EFL1: variants seen among roughly 807,000 people sequenced by gnomAD.
EFL1 encodes elongation factor like GTPase 1.
In EFL1, 76 loss-of-function variants were observed where a neutral mutation model predicts 126.7. The ratio of observed to expected loss-of-function variants is 0.60; its 90% CI spans 0.50 to 0.73. The LOEUF is 0.73. Ranked by LOEUF, EFL1 falls within the 30% of genes least tolerant of loss-of-function variation. EFL1 has a pLI of 0.00. For synonymous variants in EFL1, 410 were observed against 448.4 expected (o/e 0.91, Z 1.08); for missense variants, 1,128 against 1,343.2 (o/e 0.84, Z 2.50).
At position 82,241,333 on chromosome 15, in the gene EFL1, G is replaced by A. The variant is rs201679284; in HGVS notation, c.315C>T (p.Thr105=). ...TGCATCCATCACAAATGCGAACAGC[G>A]GTTGATACTTCTGAGGAAAAGTCCA... ...GHVDFSSEVS[T]AVRICDGCII... is the part of the protein sequence containing the mutation. The change falls in exon 5 of 20, where the codon ACC becomes ACT. Residue 105 remains threonine (T), a synonymous_variant. Coordinates refer to ENST00000268206, the MANE Select transcript of EFL1 (RefSeq NM_024580.6). 191 of 1,613,796 alleles carry A rather than the reference G, an allele frequency of 1.2e-4. No individual in the cohort carries two copies. The highest frequency in any genetic ancestry group is 1.6e-4 in the Middle Eastern group (1 of 6,080).
rs1171140314 is a variant in EFL1 at position 82,214,769 on chromosome 15, C to T, written c.1698G>A (p.Leu566=). 1 of 1,601,660 alleles carries T rather than the reference C, an allele frequency of 6.2e-7. No individual in the cohort carries two copies. The highest frequency in any genetic ancestry group is 8.5e-7 in the Non-Finnish European group (1 of 1,173,634). The change falls in exon 15 of 20, where the codon CTG becomes CTA. Residue 566 remains leucine, a synonymous_variant. Coordinates refer to ENST00000268206, the MANE Select transcript of EFL1 (RefSeq NM_024580.6). The part of the protein sequence containing the change: ...AYCALENLYL[L]MGRELEYLEE... The stretch of plus-strand genomic sequence containing the variant: ...CTAGATATTCCAGTTCCCTTCCCAT[C>T]AGAAGATACAGGTTTTCCAGAGCAC...
At chr15:82,194,569 T>C (rs1207454255) in intron 15 of EFL1, among the ~76,000 whole-genome samples, 3 of 152,162 alleles carry the variant, frequency 2.0e-5, no homozygotes, top group African/African-American at 7.2e-5. Flanking sequence ...ATTATTAAAA[T>C]CAAAGCATAA....
At chr15:82,155,870 C>T (rs981240767) in intron 17 of EFL1, among the ~76,000 whole-genome samples, 1 of 152,174 alleles carries the variant, frequency 6.6e-6, no homozygotes, top group Non-Finnish European at 1.5e-5. Flanking sequence ...CTTTGGAAGC[C>T]TCTTTTATGA....
intron 15 of EFL1, among the ~76,000 whole-genome samples, chr15:82,190,360 T>C (rs140468347): frequency 9.8e-5 from 15 of 152,314 alleles, no homozygotes; most frequent in African/African-American, 3.4e-4. Context: ...TAATAACTCA[T>C]TTTTCTCAGT....
At position 82,137,574 on chromosome 15, in the gene EFL1, G is replaced by A. The variant is rs79964758; in HGVS notation, c.3174+1084C>T. On this transcript the variant is annotated intron_variant, in intron 19 of 19. Transcript: ENST00000268206. Reference sequence around the variant, plus strand: ...TGAAGAAAACTCAGGGAGGGTCCATGATTTGTCCAAATAAATAGAAGAATA... The same window carrying A: ...TGAAGAAAACTCAGGGAGGGTCCATAATTTGTCCAAATAAATAGAAGAATA... Among the ~76,000 whole-genome samples the A allele has an allele frequency of 8.1e-3, 1,227 of 152,270 alleles. 14 individuals carry two copies. The highest frequency in any genetic ancestry group is 0.028 in the African/African-American group (1,149 of 41,546).
intron 18 of EFL1, among the ~76,000 whole-genome samples, chr15:82,143,369 G>C (rs1188470511): frequency 1.3e-5 from 2 of 152,150 alleles, no homozygotes. Context: ...GGTTGTAAAA[G>C]AAAATGGGAA....
chr15:82,137,017 T>C (rs1162889414), intron 19 of EFL1, among the ~76,000 whole-genome samples: 1 of 143,734 alleles, frequency 7.0e-6, no homozygotes, highest in South Asian at 2.1e-4. Context: ...ATTAAGAATG[T>C]GATTTTTTTT....
At chr15:82,182,955 T>C (rs1328685694) in intron 15 of EFL1, among the ~76,000 whole-genome samples, 1 of 152,160 alleles carries the variant, frequency 6.6e-6, no homozygotes, top group Non-Finnish European at 1.5e-5. Context: ...CATCCAACCT[T>C]ATGCCAGCAT....
intron 5 of EFL1, among the ~76,000 whole-genome samples, chr15:82,240,807 TG>T (rs2074923208): frequency 6.6e-6 from 1 of 152,180 alleles, no homozygotes; most frequent in Non-Finnish European, 1.5e-5. Context: ...CTCAGCACTC[TG>T]GGAGGCTGAG....
chr15:82,171,110 C>G (rs371966557), intron 15 of EFL1, among the ~76,000 whole-genome samples: 11 of 152,136 alleles, frequency 7.2e-5, no homozygotes, highest in African/African-American at 2.4e-4. Context: ...AGAGTCACTT[C>G]TGGATGAAAT....
At chr15:82,182,197 T>C (rs2074258447) in intron 15 of EFL1, among the ~76,000 whole-genome samples, 1 of 152,124 alleles carries the variant, frequency 6.6e-6, no homozygotes, top group African/African-American at 2.4e-5. Context: ...GCAGAGGTTG[T>C]AGCGAGCTGA....
intron 12 of EFL1, among the ~76,000 whole-genome samples, chr15:82,223,444 T>C (rs1011784580): frequency 6.6e-6 from 1 of 152,048 alleles, no homozygotes; most frequent in Non-Finnish European, 1.5e-5. Flanking sequence ...GATTGCACTA[T>C]CAGAAATATA....
intron 16 of EFL1, among the ~76,000 whole-genome samples, chr15:82,158,606 C>T (rs2073990922): frequency 6.6e-6 from 1 of 152,130 alleles, no homozygotes; most frequent in Non-Finnish European, 1.5e-5. Context: ...AGTCTTGTTT[C>T]AATTCTACAT....
At chr15:82,166,699 T>C (rs927727939) in intron 15 of EFL1, among the ~76,000 whole-genome samples, 3 of 152,246 alleles carry the variant, frequency 2.0e-5, no homozygotes, top group East Asian at 1.9e-4. Flanking sequence ...AAAAGGACAT[T>C]ATACCCACAA....
intron 8 of EFL1, 89 bp downstream of exon 8, chr15:82,230,759 C>A (rs1020853279): frequency 1.4e-6 from 2 of 1,437,784 alleles, no homozygotes; most frequent in South Asian, 1.6e-5. Context: ...TAAATTAAAG[C>A]TGAATTACAT....
chr15:82,188,800 C>T (rs924942353), intron 15 of EFL1, among the ~76,000 whole-genome samples: 4 of 151,948 alleles, frequency 2.6e-5, no homozygotes, highest in Non-Finnish European at 5.9e-5. Context: ...TGTTGTTTCA[C>T]ATTATAATTC....
intron 18 of EFL1, among the ~76,000 whole-genome samples, chr15:82,147,078 G>A (rs2073855046): frequency 6.6e-6 from 1 of 152,106 alleles, no homozygotes; most frequent in African/African-American, 2.4e-5. Flanking sequence ...ACAGAGGGGT[G>A]ACTCAACAGG....
intron 4 of EFL1, among the ~76,000 whole-genome samples, chr15:82,247,247 T>C (rs536067437): frequency 7.2e-5 from 11 of 152,128 alleles, no homozygotes; most frequent in Non-Finnish European, 1.0e-4. Context: ...AGGTCGAAGA[T>C]GGATAGCTCA....
intron 4 of EFL1, among the ~76,000 whole-genome samples, chr15:82,251,113 G>A (rs1176988287): frequency 1.3e-5 from 2 of 152,174 alleles, no homozygotes; most frequent in Non-Finnish European, 2.9e-5. Flanking sequence ...CCAGGAGGCT[G>A]AGGCAGGAGA....
Sources: gnomAD v4.1 joint callset for allele counts (sites outside exome capture counted in the v4.1 genomes callset) on GRCh38, gnomAD v4.1.1 for gene constraint, MANE v1.5 for transcripts, NCBI Gene and HGNC (gene_info 2026-07-23, HGNC 2026-07-21) for gene names.